TOPAZ1: variants seen among roughly 807,000 people sequenced by gnomAD.
The protein encoded by TOPAZ1 is protein TOPAZ1.
In TOPAZ1, 66 loss-of-function variants were observed where a neutral mutation model predicts 172.2. The observed-to-expected ratio is 0.38, with a 90% confidence interval of 0.31 to 0.47. The LOEUF (loss-of-function observed/expected upper bound fraction) is 0.47. Ranked by LOEUF, TOPAZ1 falls within the 20% of genes least tolerant of loss-of-function variation. The pLI is 0.99. For synonymous variants in TOPAZ1, 681 were observed against 683.9 expected (o/e 1.00, Z 0.07); for missense variants, 1,822 against 1,972.4 (o/e 0.92, Z 1.44).
intron 16 of TOPAZ1, among the ~76,000 whole-genome samples, chr3:44,315,472 ATTC>A (rs2125703088): frequency 6.6e-6 from 1 of 151,208 alleles, no homozygotes; most frequent in East Asian, 2.0e-4. Flanking sequence ...GGTTCAAGCA[ATTC>A]TTCTGCCTCA....
At chr3:44,280,689 T>C (rs1454722332) in intron 8 of TOPAZ1, among the ~76,000 whole-genome samples, 1 of 152,198 alleles carries the variant, frequency 6.6e-6, no homozygotes, top group Non-Finnish European at 1.5e-5. Context: ...GCAGTGATGG[T>C]TGCAAATAGT....
chr3:44,248,091 A>C (rs1699586607), intron 2 of TOPAZ1, among the ~76,000 whole-genome samples: 1 of 152,182 alleles, frequency 6.6e-6, no homozygotes, highest in African/African-American at 2.4e-5. Context: ...TCTGTGTGTA[A>C]AATTCTTAGT....
At chr3:44,245,976 T>G (rs1042537286) in intron 2 of TOPAZ1, among the ~76,000 whole-genome samples, 7 of 152,282 alleles carry the variant, frequency 4.6e-5, no homozygotes, top group Non-Finnish European at 1.0e-4. Context: ...TGCTATCTAT[T>G]TTAATCCATT....
In TOPAZ1 at chr3:44,266,888, A is replaced by T. The variant is rs533477192; in HGVS notation, c.3021-109A>T. Reference sequence around the variant, plus strand: ...GCCACAGTGCTTCAATTTGTAAAAAAATAAAAATAAAAAATTTTTTTAAAA... The same window carrying T: ...GCCACAGTGCTTCAATTTGTAAAAATATAAAAATAAAAAATTTTTTTAAAA... On this transcript the variant is annotated intron_variant, in intron 5 of 19. Transcript: ENST00000309765. 1,697 of 859,450 alleles carry T rather than the reference A, an allele frequency of 2.0e-3. 9 individuals carry two copies. The highest frequency in any genetic ancestry group is 2.5e-3 in the Admixed American group (68 of 26,742). 53.2% of individuals were successfully genotyped at this position (859,450 alleles called of 1,614,324 possible). A position where few individuals can be genotyped will look rare whatever the true frequency, so the allele number is the denominator to read the frequency against.
chr3:44,327,759 TGTTGAGATGGA>T (rs1039230371), intron 18 of TOPAZ1, among the ~76,000 whole-genome samples: 3 of 152,134 alleles, frequency 2.0e-5, no homozygotes, highest in Non-Finnish European at 4.4e-5. Flanking sequence ...TTTTTGTTTT[TGTTGAGATGGA>T]GTCTCACACT....
At chr3:44,266,936 G>C (rs748678672) in intron 5 of TOPAZ1, 61 bp from the exon 6 acceptor site, 60 of 1,242,420 alleles carry the variant, frequency 4.8e-5, no homozygotes, top group Non-Finnish European at 6.3e-5. Flanking sequence ...TATCTGCAAA[G>C]CATTACTTTA....
intron 18 of TOPAZ1, among the ~76,000 whole-genome samples, chr3:44,327,267 T>G (rs1434097484): frequency 6.6e-6 from 1 of 152,236 alleles, no homozygotes; most frequent in Non-Finnish European, 1.5e-5. Context: ...AAAGATTTCT[T>G]GAAGAAACTC....
downstream of TOPAZ1, among the ~76,000 whole-genome samples, chr3:44,334,706 G>A (rs189973241): frequency 6.6e-6 from 1 of 152,302 alleles, no homozygotes; most frequent in East Asian, 1.9e-4. Context: ...CCCACTTTGG[G>A]TTACTTTGAG....
intron 15 of TOPAZ1, among the ~76,000 whole-genome samples, chr3:44,308,241 G>A (rs1700356874): frequency 6.6e-6 from 1 of 152,058 alleles, no homozygotes; most frequent in African/African-American, 2.4e-5. Flanking sequence ...CTGGGTGACA[G>A]AACAAGACTC....
In TOPAZ1 at chr3:44,243,405, T is replaced by C. The variant is rs1699512410; in HGVS notation, c.899T>C (p.Leu300Ser). The change falls in exon 2 of 20, where the codon TTA becomes TCA. Residue 300 changes from leucine (L) to serine (S), a missense_variant. By Grantham distance (145) the Leu-to-Ser change is moderately radical. This residue lies in a region of TOPAZ1 where 1,489 missense variants were observed against 1,490.8 expected (regional missense o/e 1.00). Coordinates refer to ENST00000309765, the MANE Select transcript of TOPAZ1 (RefSeq NM_001145030.2). ...VNKLLPEESD[L>S]YQSKTNGLLS... ...AAGTTACTACCAGAAGAGAGTGATT[T>C]ATACCAAAGTAAAACCAATGGCTTG... 6.4e-7 allele frequency: 1 copy of C among 1,551,296 alleles called. No individual in the cohort carries two copies. The highest frequency in any genetic ancestry group is 1.2e-5 in the South Asian group (1 of 83,946).
intron 12 of TOPAZ1, among the ~76,000 whole-genome samples, chr3:44,296,083 A>T (rs2125695878): frequency 6.6e-6 from 1 of 152,326 alleles, no homozygotes; most frequent in African/African-American, 2.4e-5. Context: ...AAAATCTCCA[A>T]ACACTTGGAA....
chr3:44,295,317 C>T (rs996253857), intron 12 of TOPAZ1, among the ~76,000 whole-genome samples: 1 of 152,034 alleles, frequency 6.6e-6, no homozygotes, highest in Non-Finnish European at 1.5e-5. Flanking sequence ...AATACCAATA[C>T]AGTAGATGAA....
intron 3 of TOPAZ1, among the ~76,000 whole-genome samples, chr3:44,255,436 A>G (rs2125679983): frequency 6.6e-6 from 1 of 152,124 alleles, no homozygotes. Flanking sequence ...GTGGATCACG[A>G]GGTCAGGAGA....
At chr3:44,261,950 G>A (rs1321015723) in intron 4 of TOPAZ1, among the ~76,000 whole-genome samples, 2 of 152,022 alleles carry the variant, frequency 1.3e-5, no homozygotes, top group African/African-American at 2.4e-5. Context: ...ATTTGAACAT[G>A]TATAACCTTC....
chr3:44,310,077 A>G (rs1700381896), intron 16 of TOPAZ1, 87 bp downstream of exon 16: 3 of 1,233,298 alleles, frequency 2.4e-6, no homozygotes, highest in Non-Finnish European at 3.4e-6. Context: ...TTGATATTGA[A>G]CTGTGGTTAA....
intron 18 of TOPAZ1, among the ~76,000 whole-genome samples, chr3:44,325,802 C>T (rs146228942): frequency 1.6e-3 from 242 of 152,246 alleles, no homozygotes; most frequent in Non-Finnish European, 1.1e-3. Context: ...TATCACCATG[C>T]GCAGCTAATT....
At chr3:44,254,712 TA>T (rs949271779) in intron 2 of TOPAZ1, among the ~76,000 whole-genome samples, 3 of 151,942 alleles carry the variant, frequency 2.0e-5, no homozygotes, top group African/African-American at 7.3e-5. Context: ...ATGCTTTGTA[TA>T]TCTTGTCAAG....
intron 18 of TOPAZ1, among the ~76,000 whole-genome samples, chr3:44,323,925 T>A (rs1700568781): frequency 6.6e-6 from 1 of 152,230 alleles, no homozygotes; most frequent in Admixed American, 6.5e-5. Flanking sequence ...GCATTGTTTT[T>A]TCTGCCTTCA....
At chr3:44,300,851 GGA>G (rs1700264623) in intron 12 of TOPAZ1, among the ~76,000 whole-genome samples, 1 of 128,430 alleles carries the variant, frequency 7.8e-6, no homozygotes, top group Non-Finnish European at 1.7e-5. Context: ...ACCAGAAACT[GGA>G]AAAAAAAAAA....
Sources: gnomAD v4.1 joint callset for allele counts (sites outside exome capture counted in the v4.1 genomes callset) on GRCh38, gnomAD v4.1.1 for gene constraint, gnomAD v4.1.1 regional missense constraint, MANE v1.5 for transcripts, NCBI Gene and HGNC (gene_info 2026-07-23, HGNC 2026-07-21) for gene names.